The following PPFIBP2 variants were observed in gnomAD, a reference collection of about 807,000 sequenced individuals.
PPFIBP2 encodes the protein PPFIB scaffold protein 2.
In PPFIBP2, 118 loss-of-function variants were observed where a neutral mutation model predicts 118.3. The observed-to-expected ratio is 1.00, with a 90% CI of 0.86 to 1.16. PPFIBP2 has a LOEUF of 1.16. Among genes scored for constraint, PPFIBP2 ranks in the 50% most tolerant of loss-of-function variants. The probability of loss-of-function intolerance (pLI) is 0.00; values close to 1 mark genes in which losing one functional copy is unlikely to be tolerated. For missense variants in PPFIBP2, 1,195 were observed against 1,073.1 expected, an observed-to-expected ratio of 1.11 and a Z score of -1.59; for synonymous variants, 414 against 397.4, an observed-to-expected ratio of 1.04 and a Z score of -0.50.
At chr11:7,537,022 A>G (rs1340130016) in intron 1 of PPFIBP2, among the ~76,000 whole-genome samples, 1 of 152,152 alleles carries the variant, frequency 6.6e-6, no homozygotes, top group African/African-American at 2.4e-5. Context: ...GGGAATCCAG[A>G]GAGATCCTTG....
intron 1 of PPFIBP2, among the ~76,000 whole-genome samples, chr11:7,528,245 G>A (rs1176205908): frequency 6.6e-6 from 1 of 152,176 alleles, no homozygotes; most frequent in Non-Finnish European, 1.5e-5. Flanking sequence ...GACATGGCCA[G>A]ATAGTCACAA....
rs553307386 is a variant in PPFIBP2, at chr11:7,552,760, C to G, written c.64+3221C>G. ...TCACTTTAACCATGAGCTTGCCCCC[C>G]CCTCTCCTGGAATGCCCTCCTCCAG... On this transcript the variant is annotated intron_variant, in intron 2 of 23. Transcript: ENST00000299492. Among the ~76,000 whole-genome samples, 26 of 152,260 alleles carry G rather than the reference C, an allele frequency of 1.7e-4. No individual in the cohort carries two copies. In the South Asian group the frequency reaches 3.7e-3, roughly 22 times the overall value.
At chr11:7,579,078 T>G (rs562003814) in intron 3 of PPFIBP2, among the ~76,000 whole-genome samples, 57 of 152,150 alleles carry the variant, frequency 3.7e-4, no homozygotes, top group Non-Finnish European at 7.1e-4. Flanking sequence ...AGAAAATTAC[T>G]CTAGCTGTGA....
At chr11:7,577,336 T>TGTGC (rs1856550145) in intron 3 of PPFIBP2, 2 of 311,690 alleles carry the variant, frequency 6.4e-6, no homozygotes, top group Admixed American at 4.1e-5. Context: ...TGTGTGTGTG[T>TGTGC]GTGTGTGTGT....
intron 5 of PPFIBP2, among the ~76,000 whole-genome samples, chr11:7,601,678 G>C (rs542441315): frequency 1.3e-5 from 2 of 152,274 alleles, no homozygotes; most frequent in African/African-American, 4.8e-5. Context: ...GTTATTTCTC[G>C]GCCAGGCGCT....
At chr11:7,597,451 T>C (rs1476112278) in intron 4 of PPFIBP2, 109 bp from the exon 5 acceptor site, 1 of 1,535,822 alleles carries the variant, frequency 6.5e-7, no homozygotes, top group Non-Finnish European at 8.8e-7. Flanking sequence ...AATCGTTCAC[T>C]GTGTGTAAGA....
intron 3 of PPFIBP2, among the ~76,000 whole-genome samples, chr11:7,585,833 A>C (rs74720905): frequency 0.03 from 4,526 of 152,340 alleles, 92 homozygotes; most frequent in Non-Finnish European, 0.045. Context: ...GTTCATGTTT[A>C]ACCCAAATTT....
chr11:7,661,408 A>C (rs1236525400), downstream of PPFIBP2, among the ~76,000 whole-genome samples: 9 of 151,460 alleles, frequency 5.9e-5, no homozygotes, highest in East Asian at 3.9e-4. Flanking sequence ...GTTATGTTCC[A>C]AGTAGTCATT....
chr11:7,563,854 T>C (rs778321185), intron 2 of PPFIBP2, among the ~76,000 whole-genome samples: 2 of 152,076 alleles, frequency 1.3e-5, no homozygotes, highest in Admixed American at 6.6e-5. Context: ...GCTGCTGCTG[T>C]TGTTAAATAG....
chr11:7,604,549 A>G (rs75100368), intron 5 of PPFIBP2, among the ~76,000 whole-genome samples: 4,377 of 147,342 alleles, frequency 0.03, 92 homozygotes, highest in Non-Finnish European at 0.045. Context: ...CCAGCCATAC[A>G]CACACACACC....
At chr11:7,577,320 C>CGTGTGTGTGCGTGTGT (rs777893863) in intron 3 of PPFIBP2, 2 of 208,988 alleles carry the variant, frequency 9.6e-6, no homozygotes, top group African/African-American at 5.8e-5. Flanking sequence ...CATGTATGTG[C>CGTGTGTGTGCGTGTGT]GTGTGTGTGT....
intron 1 of PPFIBP2, among the ~76,000 whole-genome samples, chr11:7,546,706 G>A (rs557882564): frequency 1.6e-4 from 25 of 152,270 alleles, no homozygotes; most frequent in African/African-American, 6.0e-4. Context: ...CAACCATTTT[G>A]GCCTTTGCCA....
chr11:7,548,504 G>A (rs764111971), intron 1 of PPFIBP2: 1 of 152,238 alleles, frequency 6.6e-6, no homozygotes, highest in Non-Finnish European at 1.5e-5. Context: ...ACAGACGTGA[G>A]CTAATTCTCT....
chr11:7,659,778 G>A (rs1379258757), downstream of PPFIBP2, among the ~76,000 whole-genome samples: 1 of 88,268 alleles, frequency 1.1e-5, no homozygotes, highest in Non-Finnish European at 2.7e-5. Context: ...TCCTACCCAT[G>A]AGCATGGAAT....
chr11:7,517,346 T>C lies in PPFIBP2; in HGVS notation c.-37+3225T>C, dbSNP rs1034832258. The stretch of plus-strand genomic sequence containing the variant: ...AAGGGTAATGTGGACAGGGGTGTGG[T>C]GTTTTGCAACTGAGGGTGTGGAAAT... On this transcript the variant is annotated intron_variant, in intron 1 of 23. Coordinates refer to ENST00000299492, the MANE Select transcript of PPFIBP2 (RefSeq NM_003621.5). 2.0e-5 allele frequency among the ~76,000 whole-genome samples: 3 copies of C among 152,160 alleles called. No individual in the cohort carries two copies. In the South Asian group the frequency reaches 6.2e-4, roughly 32 times the overall value.
Position 7,642,110 on chromosome 11 carries a change from G to A in PPFIBP2, c.1518-188G>A, listed in dbSNP as rs1852279839. 13 of 630,976 alleles carry A rather than the reference G, an allele frequency of 2.1e-5. No individual in the cohort carries two copies. The South Asian group carries it at 2.2e-4, about 11-fold the overall frequency. The allele number at this position is 630,976 out of a possible 1,614,324, so 39.1% of individuals were successfully genotyped here. A position where few individuals can be genotyped will look rare whatever the true frequency, so the allele number is the denominator to read the frequency against. On this transcript the variant is annotated intron_variant, in intron 16 of 23. Coordinates refer to ENST00000299492, the MANE Select transcript of PPFIBP2 (RefSeq NM_003621.5). ...TGACCAAATCCCAGAGGCAGGATCC[G>A]AATTGAGGCTTGAGTCTGGCCAAGG... is the stretch of plus-strand genomic sequence containing the variant.
chr11:7,627,168 C>A (rs1850130362), intron 8 of PPFIBP2, among the ~76,000 whole-genome samples: 2 of 152,210 alleles, frequency 1.3e-5, no homozygotes, highest in African/African-American at 4.8e-5. Context: ...TGGGTACTTT[C>A]TAGAGCTGGT....
At chr11:7,626,360 T>C (rs1341115643) in intron 8 of PPFIBP2, among the ~76,000 whole-genome samples, 1 of 152,202 alleles carries the variant, frequency 6.6e-6, no homozygotes, top group East Asian at 1.9e-4. Context: ...ATTCTTGAGA[T>C]TTCAAATCTT....
At chr11:7,593,587 G>A (rs1184658063) in intron 4 of PPFIBP2, among the ~76,000 whole-genome samples, 1 of 152,164 alleles carries the variant, frequency 6.6e-6, no homozygotes, top group Admixed American at 6.5e-5. Flanking sequence ...ATATCCTCAT[G>A]CCACTAATAA....
Sources: allele counts gnomAD v4.1 joint callset (sites outside exome capture counted in the v4.1 genomes callset), GRCh38; gene constraint gnomAD v4.1.1; transcripts MANE v1.5; gene names NCBI Gene and HGNC (gene_info 2026-07-23, HGNC 2026-07-21).